Variants in RCBTB1 observed in about 807,000 individuals in gnomAD.
RCBTB1 encodes RCC1 and BTB domain-containing protein 1.
Under a neutral mutation model 62.4 loss-of-function variants are expected in RCBTB1, and 46 were observed. That is an observed-to-expected ratio of 0.74 (90% CI 0.58 to 0.94). The LOEUF is 0.94. Ranked by LOEUF, RCBTB1 falls within the 40% of genes least tolerant of loss-of-function variation. RCBTB1 has a pLI of 0.00. For missense variants in RCBTB1, 565 were observed against 654.9 expected, an observed-to-expected ratio of 0.86 and a Z score of 1.50; for synonymous variants, 222 against 245.8, an observed-to-expected ratio of 0.90 and a Z score of 0.91.
Position 49,555,593 on chromosome 13 carries a change from T to C in RCBTB1, c.525A>G (p.Thr175=), listed in dbSNP as rs765611914. ...TANQPTPRKV[T]NCLHIKRVVG... ...CTACCCTCTTAATATGTAAACAGTT[T>C]GTAACTTTTCGAGGAGTTGGTTGAT... Residue 175 remains threonine (T), a synonymous_variant, in exon 6 of 13, where the codon ACA becomes ACG. Coordinates refer to ENST00000378302, the MANE Select transcript of RCBTB1 (RefSeq NM_018191.4). 1 of 1,613,620 alleles carries C rather than the reference T, an allele frequency of 6.2e-7. No individual in the cohort carries two copies. The highest frequency in any genetic ancestry group is 8.5e-7 in the Non-Finnish European group (1 of 1,179,712).
At chr13:49,572,062 C>T (rs1963434559) in intron 2 of RCBTB1, among the ~76,000 whole-genome samples, 1 of 152,170 alleles carries the variant, frequency 6.6e-6, no homozygotes, top group Non-Finnish European at 1.5e-5. Flanking sequence ...TGCAGTGGCT[C>T]ACACTTGTAA....
intron 12 of RCBTB1, among the ~76,000 whole-genome samples, chr13:49,536,649 A>C (rs1377595304): frequency 1.3e-5 from 2 of 152,206 alleles, no homozygotes; most frequent in Non-Finnish European, 2.9e-5. Context: ...CAGGAGATGA[A>C]CAAAGTTCCC....
At chr13:49,540,840 A>G (rs1169893913) in intron 12 of RCBTB1, 36 bp downstream of exon 12, 1 of 1,605,906 alleles carries the variant, frequency 6.2e-7, no homozygotes, top group Admixed American at 1.7e-5. Flanking sequence ...AAAGGGAGTT[A>G]AAGGTGGTCT....
At chr13:49,582,065 T>C (rs1345000896) in intron 1 of RCBTB1, among the ~76,000 whole-genome samples, 1 of 152,224 alleles carries the variant, frequency 6.6e-6, no homozygotes, top group Non-Finnish European at 1.5e-5. Context: ...CTTTTTAATG[T>C]AAACATTGTT....
chr13:49,551,155 A>T, intron 8 of RCBTB1, 171 bp downstream of exon 8: 2 of 550,578 alleles, frequency 3.6e-6, no homozygotes, highest in Non-Finnish European at 6.0e-6. Context: ...AGGGGGAAGC[A>T]GGGAGGGAGA....
chr13:49,563,544 T>C (rs1340219970), intron 4 of RCBTB1, among the ~76,000 whole-genome samples: 4 of 151,980 alleles, frequency 2.6e-5, no homozygotes, highest in Non-Finnish European at 2.9e-5. Context: ...ATGCCTCTAA[T>C]TGTACTTCGG....
At chr13:49,573,875 A>C (rs1455787282) in intron 2 of RCBTB1, among the ~76,000 whole-genome samples, 27 of 124,898 alleles carry the variant, frequency 2.2e-4, no homozygotes, top group Middle Eastern at 6.8e-3. Flanking sequence ...ACTCCCCCTC[A>C]TCAGTTCAAG....
At chr13:49,572,510 A>T (rs987831569) in intron 2 of RCBTB1, among the ~76,000 whole-genome samples, 2 of 152,178 alleles carry the variant, frequency 1.3e-5, no homozygotes, top group Non-Finnish European at 2.9e-5. Context: ...TCATTTAAAT[A>T]ATCATTCCAG....
At position 49,532,269 on chromosome 13, in the gene RCBTB1, AAT is replaced by A. The variant is rs1228542642; in HGVS notation, c.*1851_*1852del. The A allele has an allele frequency of 6.6e-6, 1 of 152,334 alleles. No individual in the cohort carries two copies. The highest frequency in any genetic ancestry group is 1.5e-5 in the Non-Finnish European group (1 of 68,044). The allele number at this position is 152,334 out of a possible 1,614,324, so 9.4% of individuals were successfully genotyped here. ...ATTCATACAAATGACTTAGTAATCT[AAT>A]ATGAGAAGTGGTCCTTCACTTATAT... On this transcript the variant is annotated 3_prime_UTR_variant, in exon 13 of 13. Transcript: ENST00000378302.
chr13:49,533,493 AT>A lies in RCBTB1; in HGVS notation c.*628del, dbSNP rs1413015095. The A allele has an allele frequency of 1.3e-5, 2 of 152,204 alleles. No homozygotes were observed. Among genetic ancestry groups the A allele is most frequent in the African/African-American group, 4.8e-5 (2 of 41,450 alleles). The allele number at this position is 152,204 out of a possible 1,614,324, so 9.4% of individuals were successfully genotyped here. A position where few individuals can be genotyped will look rare whatever the true frequency, so the allele number is the denominator to read the frequency against. On this transcript the variant is annotated 3_prime_UTR_variant, in exon 13 of 13. Transcript: ENST00000378302. ...AGAGAAATCTTGACTAACCTAGAATATTTATCTTTACATAATTATCATTTCA... is the reference window on the plus strand; with the variant it reads ...AGAGAAATCTTGACTAACCTAGAATATTATCTTTACATAATTATCATTTCA...
rs1273331709 is a variant in RCBTB1, at chr13:49,565,739, C to T, written c.277+879G>A. Among the ~76,000 whole-genome samples the T allele has an allele frequency of 4.6e-5, 7 of 151,982 alleles. 1 individual carries two copies. Among genetic ancestry groups the T allele is most frequent in the African/African-American group, 1.7e-4 (7 of 41,378 alleles). ...CTGAGAAGTGAGGAGCCCCTCTGCC[C>T]GGCCGCCACCCCGTCTGGGAGGTGT... On this transcript the variant is annotated intron_variant, in intron 4 of 12. Transcript: ENST00000378302.
intron 12 of RCBTB1, among the ~76,000 whole-genome samples, chr13:49,537,552 G>A (rs976399521): frequency 6.6e-6 from 1 of 152,134 alleles, no homozygotes; most frequent in African/African-American, 2.4e-5. Context: ...AAGCAAGATC[G>A]TAAGATATAA....
At chr13:49,568,188 C>A (rs930201518) in intron 2 of RCBTB1, among the ~76,000 whole-genome samples, 10 of 152,252 alleles carry the variant, frequency 6.6e-5, no homozygotes, top group African/African-American at 2.4e-4. Context: ...CTTAACAGTA[C>A]ATCGGGGAAA....
rs1472362235 is a variant in RCBTB1, at chr13:49,534,080, A to G, written c.*42T>C. ...AGCACAAACTGGACACATCCTCAAC[A>G]GTGCCCCAGAGCACTCACACAGAAC... is the stretch of plus-strand genomic sequence containing the variant. On this transcript the variant is annotated 3_prime_UTR_variant, in exon 13 of 13. Coordinates refer to ENST00000378302, the MANE Select transcript of RCBTB1 (RefSeq NM_018191.4). 1.9e-6 allele frequency: 3 copies of G among 1,593,530 alleles called. No individual in the cohort carries two copies. The highest frequency in any genetic ancestry group is 2.7e-5 in the African/African-American group (2 of 74,096).
In RCBTB1 at chr13:49,548,583, A is replaced by G. The variant is rs1961030667; in HGVS notation, c.1045+875T>C. 3.8e-5 allele frequency among the ~76,000 whole-genome samples: 2 copies of G among 53,084 alleles called. 1 individual carries two copies. The highest frequency in any genetic ancestry group is 1.3e-3 in the South Asian group (2 of 1,558). The allele number at this position is 53,084 out of a possible 152,430, so 34.8% of individuals were successfully genotyped here. ...GTCCATCAACAGTTAAGTGACAAACAAAATATGGTGTATATATATATAATG... is the reference window on the plus strand; with the variant it reads ...GTCCATCAACAGTTAAGTGACAAACGAAATATGGTGTATATATATATAATG... On this transcript the variant is annotated intron_variant, in intron 9 of 12. Coordinates refer to ENST00000378302, the MANE Select transcript of RCBTB1 (RefSeq NM_018191.4).
intron 4 of RCBTB1, among the ~76,000 whole-genome samples, chr13:49,565,104 C>A (rs1334694754): frequency 1.3e-5 from 2 of 152,172 alleles, no homozygotes; most frequent in South Asian, 4.1e-4. Flanking sequence ...CGGCTCACTG[C>A]AACCTCCCTG....
Position 49,540,958 on chromosome 13 carries a change from A to C in RCBTB1, c.1373T>G (p.Leu458Arg), listed in dbSNP as rs2139131420. The change falls in exon 12 of 13, where the codon CTT becomes CGT. Residue 458 changes from leucine (L) to arginine (R), a missense_variant. Transcript: ENST00000378302. ...TSYCENRLKKLCQHIIKRGIT... is the reference protein window; with the variant it reads ...TSYCENRLKKRCQHIIKRGIT... ...TCCTCTCTTGATAATGTGCTGACAA[A>C]GTTTTTTCAGTCTGTTTTCACAGTA... 1 of 1,613,568 alleles carries C rather than the reference A, an allele frequency of 6.2e-7. No individual in the cohort carries two copies. The highest frequency in any genetic ancestry group is 2.2e-5 in the East Asian group (1 of 44,868).
At chr13:49,566,421 A>G (rs1963016731) in intron 4 of RCBTB1, among the ~76,000 whole-genome samples, 197 bp downstream of exon 4, 1 of 152,214 alleles carries the variant, frequency 6.6e-6, no homozygotes, top group Non-Finnish European at 1.5e-5. Flanking sequence ...AAGTTTGCCT[A>G]ATTTGCAAGA....
At chr13:49,549,773 TAGCTGCCAAG>T in intron 8 of RCBTB1, 125 bp from the exon 9 acceptor site, 1 of 1,437,916 alleles carries the variant, frequency 7.0e-7, no homozygotes, top group South Asian at 1.5e-5. Flanking sequence ...CCAGGGACAC[TAGCTGCCAAG>T]TCACAGCAAC....
Sources: allele counts gnomAD v4.1 joint callset (sites outside exome capture counted in the v4.1 genomes callset), GRCh38; gene constraint gnomAD v4.1.1; transcripts MANE v1.5; gene names NCBI Gene and HGNC (gene_info 2026-07-23, HGNC 2026-07-21).